Variants in SRP9 observed in about 807,000 individuals in gnomAD.
SRP9 encodes the protein signal recognition particle 9 kDa protein.
SRP9 carries 2 observed loss-of-function variants against 11.7 expected under a neutral mutation model. The ratio of observed to expected loss-of-function variants is 0.17; its 90% CI spans 0.07 to 0.54. The LOEUF (loss-of-function observed/expected upper bound fraction) is 0.54. SRP9 is among the 20% of genes least tolerant of loss of function. The pLI, the probability that SRP9 is intolerant of heterozygous loss-of-function variation, is 0.94. For synonymous variants in SRP9, 27 were observed against 35.6 expected (o/e 0.76, Z 0.86); for missense variants, 54 against 108.1 (o/e 0.50, Z 2.22).
intron 1 of SRP9, among the ~76,000 whole-genome samples, chr1:225,783,080 A>G (rs886537945): frequency 1.5e-4 from 6 of 41,334 alleles, no homozygotes; most frequent in African/African-American, 4.6e-4. Context: ...CAAATAAAAT[A>G]TCCAACTTTT....
intron 2 of SRP9, among the ~76,000 whole-genome samples, chr1:225,787,196 G>A (rs1185909282): frequency 6.6e-6 from 1 of 152,064 alleles, no homozygotes; most frequent in Non-Finnish European, 1.5e-5. Context: ...TCACAGAGTG[G>A]TTAGGTATAC....
At chr1:225,779,826 T>C (rs1665759329) in intron 1 of SRP9, among the ~76,000 whole-genome samples, 1 of 152,220 alleles carries the variant, frequency 6.6e-6, no homozygotes, top group Non-Finnish European at 1.5e-5. Context: ...AATGCTACTC[T>C]GAGACCACAC....
At chr1:225,782,633 A>G (rs1294582072) in intron 1 of SRP9, among the ~76,000 whole-genome samples, 1 of 152,228 alleles carries the variant, frequency 6.6e-6, no homozygotes, top group Non-Finnish European at 1.5e-5. Flanking sequence ...TGCCTTGGCA[A>G]TCTGTAGAAT....
At chr1:225,783,230 C>A in intron 1 of SRP9, 70 bp from the exon 2 acceptor site, 1 of 1,263,032 alleles carries the variant, frequency 7.9e-7, no homozygotes, top group Non-Finnish European at 1.1e-6. Context: ...TTCAGCCTAC[C>A]TGAAGACTAA....
In SRP9 at chr1:225,789,624, T is replaced by G; in HGVS notation, c.*265T>G. 1 of 240,494 alleles carries G rather than the reference T, an allele frequency of 4.2e-6. No individual in the cohort carries two copies. The allele number at this position is 240,494 out of a possible 1,614,324, so 14.9% of individuals were successfully genotyped here. ...AGATTATTTGATGTTAGGTAAAACA[T>G]GTAATTGTTTCTCTGGCAAATTTGT... On this transcript the variant is annotated 3_prime_UTR_variant, in exon 3 of 3. Transcript: ENST00000304786.
chr1:225,786,334 T>G (rs1271632548), intron 2 of SRP9, among the ~76,000 whole-genome samples: 2 of 152,250 alleles, frequency 1.3e-5, no homozygotes, highest in Non-Finnish European at 1.5e-5. Context: ...TAGAGATAGA[T>G]CAGTAATATT....
intron 1 of SRP9, among the ~76,000 whole-genome samples, chr1:225,782,707 AGTT>A (rs547803812): frequency 9.8e-5 from 15 of 152,336 alleles, no homozygotes; most frequent in Admixed American, 2.6e-4. Context: ...TTTTTGGAAA[AGTT>A]GTTGGTGGAG....
chr1:225,779,908 T>A (rs1322631755), intron 1 of SRP9, among the ~76,000 whole-genome samples: 1 of 152,146 alleles, frequency 6.6e-6, no homozygotes, highest in Non-Finnish European at 1.5e-5. Flanking sequence ...ATATATAAAT[T>A]CACATCAAGA....
chr1:225,777,957 C>T lies in SRP9; in HGVS notation c.17C>T (p.Thr6Ile), dbSNP rs773151221. 4.3e-6 allele frequency: 7 copies of T among 1,614,102 alleles called. No homozygotes were observed. In the East Asian group the frequency reaches 1.6e-4, roughly 36 times the overall value. Residue 6 changes from threonine (T) to isoleucine (I), a missense_variant, in exon 1 of 3, where the codon ACC becomes ATC. Physicochemically the swap from Thr to Ile is moderately conservative, Grantham distance 89. Transcript: ENST00000304786. MPQYQ[T>I]WEEFSRAAEK... ...TAGGCCACGATGCCGCAGTACCAGA[C>T]CTGGGAGGAGTTCAGCCGCGCTGCC...
At chr1:225,788,914 T>C in intron 2 of SRP9, 11 of 1,318,188 alleles carry the variant, frequency 8.3e-6, no homozygotes, top group Non-Finnish European at 1.1e-5. Flanking sequence ...AATACCTAAT[T>C]CGAAGGAAGA....
intron 2 of SRP9, among the ~76,000 whole-genome samples, chr1:225,788,519 G>T (rs910687020): frequency 6.7e-6 from 1 of 149,296 alleles, no homozygotes; most frequent in Non-Finnish European, 1.5e-5. Context: ...GGGTTCAAGC[G>T]ATTCTCCTGC....
intron 2 of SRP9, among the ~76,000 whole-genome samples, chr1:225,786,076 A>G (rs1665904033): frequency 6.6e-6 from 1 of 152,148 alleles, no homozygotes; most frequent in Admixed American, 6.5e-5. Context: ...AATCTCTGTC[A>G]TTTCTGTATT....
chr1:225,782,144 A>G (rs1270837169), intron 1 of SRP9, among the ~76,000 whole-genome samples: 1 of 151,832 alleles, frequency 6.6e-6, no homozygotes, highest in Non-Finnish European at 1.5e-5. Flanking sequence ...GATAAGTAGC[A>G]GTTTTTATTT....
rs145196331 is a variant in SRP9, at chr1:225,779,176, G to C, written c.72+1164G>C. On this transcript the variant is annotated intron_variant, in intron 1 of 2. Transcript: ENST00000304786. ...TTTATTTTTTTTGAGACGAAATCTC[G>C]CACTGTCGCCCGGACTGGAGTGCAA... 2.7e-5 allele frequency among the ~76,000 whole-genome samples: 4 copies of C among 145,904 alleles called. No individual in the cohort carries two copies. In the South Asian group the frequency reaches 8.6e-4, roughly 32 times the overall value.
In SRP9 at chr1:225,790,335, G is replaced by C. The variant is rs1666004023; in HGVS notation, c.*976G>C. 6.6e-6 allele frequency: 1 copy of C among 152,160 alleles called. No individual in the cohort carries two copies. Among genetic ancestry groups the C allele is most frequent in the Non-Finnish European group, 1.5e-5 (1 of 68,036 alleles). The allele number at this position is 152,160 out of a possible 1,614,324, so 9.4% of individuals were successfully genotyped here. Reference sequence around the variant, plus strand: ...GTTGATTCCTCAAGAATGAAATGAAGGCACTACATTGAAATATGTTTTGTA... The same window carrying C: ...GTTGATTCCTCAAGAATGAAATGAACGCACTACATTGAAATATGTTTTGTA... On this transcript the variant is annotated 3_prime_UTR_variant, in exon 3 of 3. Transcript: ENST00000304786.
At chr1:225,779,992 C>T (rs1418541211) in intron 1 of SRP9, among the ~76,000 whole-genome samples, 1 of 152,170 alleles carries the variant, frequency 6.6e-6, no homozygotes, top group Admixed American at 6.6e-5. Flanking sequence ...GTGAGCAAAG[C>T]ATGTCTAGAA....
intron 1 of SRP9, among the ~76,000 whole-genome samples, chr1:225,779,481 C>T (rs1665753240): frequency 6.6e-6 from 1 of 152,150 alleles, no homozygotes; most frequent in Non-Finnish European, 1.5e-5. Context: ...TATTGATGAT[C>T]ATTAAGTAAT....
chr1:225,787,229 T>C (rs181736239), intron 2 of SRP9, among the ~76,000 whole-genome samples: 1 of 152,206 alleles, frequency 6.6e-6, no homozygotes, highest in Non-Finnish European at 1.5e-5. Context: ...AACCCCTATG[T>C]CCTGTCTTAA....
At chr1:225,778,572 A>T (rs1665731555) in intron 1 of SRP9, among the ~76,000 whole-genome samples, 1 of 152,220 alleles carries the variant, frequency 6.6e-6, no homozygotes, top group African/African-American at 2.4e-5. Context: ...TAAATGTATA[A>T]GTAAATGTTT....
Sources: allele counts gnomAD v4.1 joint callset (sites outside exome capture counted in the v4.1 genomes callset), GRCh38; gene constraint gnomAD v4.1.1; transcripts MANE v1.5; gene names NCBI Gene and HGNC (gene_info 2026-07-23, HGNC 2026-07-21).